The following UTP14A variants were observed in gnomAD, a reference collection of about 807,000 sequenced individuals.
UTP14A encodes UTP14A small subunit processome component, also known as U3 small nucleolar RNA-associated protein 14 homolog A.
Under a neutral mutation model 57.2 loss-of-function variants are expected in UTP14A, and 5 were observed. That is an observed-to-expected ratio of 0.09 (90% CI 0.05 to 0.18). UTP14A has a LOEUF of 0.18. Among genes scored for constraint, UTP14A ranks in the 10% least tolerant of loss-of-function variants. UTP14A has a pLI of 1.00. For missense variants in UTP14A, 430 were observed against 562.1 expected, an observed-to-expected ratio of 0.76 and a Z score of 2.38; for synonymous variants, 169 against 210.9, an observed-to-expected ratio of 0.80 and a Z score of 1.72.
At chrX:129,909,017 A>G (rs993255321) in intron 4 of UTP14A, among the ~76,000 whole-genome samples, 1 of 111,822 alleles carries the variant, frequency 8.9e-6, no homozygotes, top group Non-Finnish European at 1.9e-5. Context: ...TAACTTAGTC[A>G]TAATTCATAT....
At chrX:129,912,045 A>G (rs1929493374) in intron 6 of UTP14A, 124 bp downstream of exon 6, 1 of 870,448 alleles carries the variant, frequency 1.1e-6, no homozygotes, top group Non-Finnish European at 1.6e-6. Flanking sequence ...CTTAGTGCTC[A>G]GAAAGAAGGG....
rs1930102614 is a variant in UTP14A, at chrX:129,926,288, G to C, written c.1992G>C (p.Leu664Phe). 1 of 1,210,284 alleles carries C rather than the reference G, an allele frequency of 8.3e-7. No individual in the cohort carries two copies. The highest frequency in any genetic ancestry group is 2.2e-5 in the Admixed American group (1 of 45,753). Residue 664 changes from leucine (L) to phenylalanine (F), a missense_variant, in exon 14 of 15, where the codon TTG becomes TTC. Transcript: ENST00000394422. ...GTCCTCCAAGAAAAGATAAGAATTTGCCAAATGTGATTATCAATGAGAAGC... is the reference window on the plus strand; with the variant it reads ...GTCCTCCAAGAAAAGATAAGAATTTCCCAAATGTGATTATCAATGAGAAGC... Reference protein sequence around the residue: ...PEGPPRKDKNLPNVIINEKRN... With the variant: ...PEGPPRKDKNFPNVIINEKRN...
At chrX:129,911,175 T>C in intron 5 of UTP14A, 25 bp downstream of exon 5, 1 of 1,183,467 alleles carries the variant, frequency 8.4e-7, no homozygotes, top group Non-Finnish European at 1.1e-6. Context: ...AGGTGGTCTA[T>C]TAAGGGAAAG....
chrX:129,922,191 A>T (rs1027096701), intron 11 of UTP14A: 2 of 111,906 alleles, frequency 1.8e-5, no homozygotes, highest in Non-Finnish European at 3.8e-5. Context: ...TATATTTTCT[A>T]CCTGTTATCT....
chrX:129,907,986 T>C, intron 2 of UTP14A, 74 bp from the exon 3 acceptor site: 2 of 877,742 alleles, frequency 2.3e-6, no homozygotes, highest in South Asian at 2.2e-5. Flanking sequence ...CAAGAGATTT[T>C]ACATGAGACT....
At chrX:129,906,403 A>C (rs767607192) in intron 1 of UTP14A, among the ~76,000 whole-genome samples, 167 bp downstream of exon 1, 86 of 111,086 alleles carry the variant, frequency 7.7e-4, no homozygotes, top group African/African-American at 2.6e-3. Context: ...CTTTTAATTT[A>C]ATTTCATTCG....
At chrX:129,918,014 A>G (rs1198916703) in intron 6 of UTP14A, among the ~76,000 whole-genome samples, 1 of 112,339 alleles carries the variant, frequency 8.9e-6, no homozygotes, top group African/African-American at 3.2e-5. Flanking sequence ...ATGGTCAAAA[A>G]AAGTTGGGCT....
Sources: allele counts gnomAD v4.1 joint callset (sites outside exome capture counted in the v4.1 genomes callset), GRCh38; gene constraint gnomAD v4.1.1; transcripts MANE v1.5; gene names NCBI Gene and HGNC (gene_info 2026-07-23, HGNC 2026-07-21).